The following PTPRO variants were observed in gnomAD, a reference collection of about 807,000 sequenced individuals.
PTPRO encodes the protein protein tyrosine phosphatase receptor type O.
PTPRO carries 62 observed loss-of-function variants against 145.2 expected under a neutral mutation model. The observed-to-expected ratio is 0.43, with a 90% CI of 0.35 to 0.53. The LOEUF is 0.53. Ranked by LOEUF, PTPRO falls within the 20% of genes least tolerant of loss-of-function variation. The pLI, the probability that PTPRO is intolerant of heterozygous loss-of-function variation, is 0.01. For synonymous variants in PTPRO, 565 were observed against 514.7 expected (o/e 1.10, Z -1.32); for missense variants, 1,345 against 1,482.7 (o/e 0.91, Z 1.53).
chr12:15,495,380 T>G (rs1174778887), intron 2 of PTPRO, among the ~76,000 whole-genome samples: 1 of 148,708 alleles, frequency 6.7e-6, no homozygotes. Context: ...AGCTACAGAT[T>G]GAGACATACT....
chr12:15,408,348 G>A (rs1939702787), intron 1 of PTPRO, among the ~76,000 whole-genome samples: 1 of 152,150 alleles, frequency 6.6e-6, no homozygotes, highest in South Asian at 2.1e-4. Context: ...ACTGGCCATA[G>A]TGTTACTTTA....
rs11056530 is a variant in PTPRO, at chr12:15,505,496, C to T, written c.1267+1427C>T. ...AATATGTCGGAATTGCTCAAAAATG[C>T]AATTACTTTAAAGAGATGCATCTTA... On this transcript the variant is annotated intron_variant, in intron 6 of 26. Coordinates refer to ENST00000281171, the MANE Select transcript of PTPRO (RefSeq NM_030667.3). Among the ~76,000 whole-genome samples the T allele has an allele frequency of 5.6e-3, 847 of 152,272 alleles. 54 individuals are homozygous for T. The East Asian group carries it at 0.14, about 25-fold the overall frequency.
chr12:15,323,976 T>C (rs931160039), intron 1 of PTPRO, among the ~76,000 whole-genome samples: 4 of 152,184 alleles, frequency 2.6e-5, no homozygotes, highest in Admixed American at 2.6e-4. Flanking sequence ...ACAGAATGCC[T>C]AAGTAAGACC....
intron 1 of PTPRO, among the ~76,000 whole-genome samples, chr12:15,418,875 C>A (rs116587658): frequency 2.6e-5 from 4 of 151,670 alleles, no homozygotes; most frequent in African/African-American, 9.8e-5. Context: ...AAAAGCAATA[C>A]TAAAGTCCTT....
chr12:15,486,608 G>A (rs1941892784), intron 2 of PTPRO, among the ~76,000 whole-genome samples: 1 of 151,876 alleles, frequency 6.6e-6, no homozygotes, highest in Non-Finnish European at 1.5e-5. Flanking sequence ...TTTTAAAAAG[G>A]TGAAATTAAT....
rs867551091 is a variant in PTPRO at position 15,557,520 on chromosome 12, A to G, written c.2624A>G (p.Asn875Ser). The G allele has an allele frequency of 3.7e-6, 6 of 1,613,032 alleles. No homozygotes were observed. In the Middle Eastern group the frequency reaches 8.3e-4, roughly 222 times the overall value. Residue 875 changes from asparagine to serine, a missense_variant, in exon 16 of 27, where the codon AAC (asparagine) becomes AGC (serine). By Grantham distance (46) the Asn-to-Ser change is conservative. Coordinates refer to ENST00000281171, the MANE Select transcript of PTPRO (RefSeq NM_030667.3). ...SLERDGKLPY[N>S]WRRSIFAFLT... ...GAGAGGGATGGAAAGCTTCCATACA[A>G]CTGGTGAGTATTGTTTTGGAACAAG...
intron 12 of PTPRO, 186 bp from the exon 13 acceptor site, chr12:15,546,383 G>C (rs1460104490): frequency 7.0e-7 from 1 of 1,428,188 alleles, no homozygotes; most frequent in Non-Finnish European, 9.1e-7. Flanking sequence ...AAAAGGCAAA[G>C]TATTCTGCCT....
chr12:15,446,677 A>C (rs1940910553), intron 1 of PTPRO, among the ~76,000 whole-genome samples: 1 of 151,758 alleles, frequency 6.6e-6, no homozygotes, highest in African/African-American at 2.4e-5. Context: ...TTGGGATGTC[A>C]TAAGTAGGAT....
At position 15,416,501 on chromosome 12, in the gene PTPRO, A is replaced by G. The variant is rs113741783; in HGVS notation, c.76-67473A>G. 8.6e-5 allele frequency among the ~76,000 whole-genome samples: 13 copies of G among 151,228 alleles called. 1 individual carries two copies. Among genetic ancestry groups the G allele is most frequent in the African/African-American group, 2.9e-4 (12 of 40,780 alleles). ...TGCCTGGCTAATTTTTTATATTTTT[A>G]GTAGAGACGGGGTTTCACCATGTTA... On this transcript the variant is annotated intron_variant, in intron 1 of 26. Coordinates refer to ENST00000281171, the MANE Select transcript of PTPRO (RefSeq NM_030667.3).
chr12:15,461,350 C>T, intron 1 of PTPRO, among the ~76,000 whole-genome samples: 1 of 152,162 alleles, frequency 6.6e-6, no homozygotes. Context: ...ATTGAAGCCT[C>T]ATGTCTCCCT....
At chr12:15,560,935 C>A (rs1943757474) in intron 17 of PTPRO, among the ~76,000 whole-genome samples, 2 of 152,158 alleles carry the variant, frequency 1.3e-5, no homozygotes, top group Middle Eastern at 3.4e-3. Flanking sequence ...GAGCAGACTC[C>A]TTTAATTTCT....
At chr12:15,588,279 A>T (rs748467765) in intron 24 of PTPRO, among the ~76,000 whole-genome samples, 3 of 152,170 alleles carry the variant, frequency 2.0e-5, no homozygotes, top group Non-Finnish European at 4.4e-5. Context: ...AGAAAAAGCA[A>T]CCCTTAAACT....
At chr12:15,363,933 T>C (rs1938284234) in intron 1 of PTPRO, among the ~76,000 whole-genome samples, 1 of 152,194 alleles carries the variant, frequency 6.6e-6, no homozygotes, top group Non-Finnish European at 1.5e-5. Context: ...CAGAATATTA[T>C]GTATATTAAA....
chr12:15,477,809 T>A (rs970092400), intron 1 of PTPRO, among the ~76,000 whole-genome samples: 3 of 152,148 alleles, frequency 2.0e-5, no homozygotes, highest in Non-Finnish European at 4.4e-5. Flanking sequence ...ATATCCTCCA[T>A]GGCACCATCA....
chr12:15,478,893 A>G (rs1299174606), intron 1 of PTPRO, among the ~76,000 whole-genome samples: 1 of 152,128 alleles, frequency 6.6e-6, no homozygotes, highest in Non-Finnish European at 1.5e-5. Context: ...GGATGGTCTC[A>G]ATCTCCTGAT....
intron 19 of PTPRO, among the ~76,000 whole-genome samples, chr12:15,572,970 C>A: frequency 6.6e-6 from 1 of 151,970 alleles, no homozygotes; most frequent in Non-Finnish European, 1.5e-5. Context: ...TGTCCTAGGC[C>A]GAAAGTGTTT....
At chr12:15,586,374 T>C (rs988223595) in intron 23 of PTPRO, among the ~76,000 whole-genome samples, 44 of 152,276 alleles carry the variant, frequency 2.9e-4, no homozygotes, top group African/African-American at 1.1e-3. Flanking sequence ...GGCTGGATTT[T>C]TGTACCCCAC....
intron 12 of PTPRO, among the ~76,000 whole-genome samples, chr12:15,529,467 TAAAA>T (rs371217992): frequency 7.6e-6 from 1 of 131,710 alleles, no homozygotes; most frequent in Non-Finnish European, 1.6e-5. Context: ...TCATCTCTAC[TAAAA>T]AAAAAAAAAA....
At chr12:15,535,191 T>C (rs1250499048) in intron 12 of PTPRO, among the ~76,000 whole-genome samples, 2 of 152,134 alleles carry the variant, frequency 1.3e-5, no homozygotes, top group Middle Eastern at 3.2e-3. Context: ...TAAACAAATT[T>C]AAAATGATTA....
Sources: allele counts gnomAD v4.1 joint callset (sites outside exome capture counted in the v4.1 genomes callset), GRCh38; gene constraint gnomAD v4.1.1; transcripts MANE v1.5; gene names NCBI Gene and HGNC (gene_info 2026-07-23, HGNC 2026-07-21).